PRPF38A: variants seen among roughly 807,000 people sequenced by gnomAD.
PRPF38A encodes the protein pre-mRNA-splicing factor 38A.
In PRPF38A, 11 loss-of-function variants were observed where a neutral mutation model predicts 46.8. That is an observed-to-expected ratio of 0.24 (90% CI 0.15 to 0.39). The LOEUF (loss-of-function observed/expected upper bound fraction) is 0.39. PRPF38A is among the 10% of genes least tolerant of loss of function. PRPF38A has a pLI of 1.00. For missense variants in PRPF38A, 261 were observed against 407.5 expected (o/e 0.64, Z 3.10); for synonymous variants, 124 against 136.2 (o/e 0.91, Z 0.62).
chr1:52,408,697 AT>A lies in PRPF38A; in HGVS notation c.412+8del. 1 of 1,613,918 alleles carries A rather than the reference AT, an allele frequency of 6.2e-7. No individual in the cohort carries two copies. Among genetic ancestry groups the A allele is most frequent in the Non-Finnish European group, 8.5e-7 (1 of 1,179,826 alleles). On this transcript the variant is annotated splice_region_variant and intron_variant, in intron 3 of 9. Coordinates refer to ENST00000257181, the MANE Select transcript of PRPF38A (RefSeq NM_032864.4). ...AGCCAGAACCGAAATGGGGGTAAGTATGGTGCTAAGTCTCCTGATTGTCATT... is the reference window on the plus strand; with the variant it reads ...AGCCAGAACCGAAATGGGGGTAAGTAGGTGCTAAGTCTCCTGATTGTCATT...
rs927192358 is a variant in PRPF38A, at chr1:52,418,990, C to G, written c.*2300C>G. The G allele has an allele frequency of 9.2e-5, 14 of 152,224 alleles. No individual in the cohort carries two copies. Among genetic ancestry groups the G allele is most frequent in the Non-Finnish European group, 1.3e-4 (9 of 68,036 alleles). The allele number at this position is 152,224 out of a possible 1,614,324, so 9.4% of individuals were successfully genotyped here. The stretch of plus-strand genomic sequence containing the variant: ...AATTTGAAATACACTGACTTAAAAG[C>G]TTTGCCATAGGGCACAATCGCCTTT... On this transcript the variant is annotated 3_prime_UTR_variant, in exon 10 of 10. Transcript: ENST00000257181.
At chr1:52,411,944 T>G (rs952854552) in intron 4 of PRPF38A, among the ~76,000 whole-genome samples, 6 of 152,164 alleles carry the variant, frequency 3.9e-5, no homozygotes, top group Non-Finnish European at 8.8e-5. Context: ...TACCTCAGTC[T>G]CCCAAGGAGC....
rs1334246734 is a variant in PRPF38A, at chr1:52,414,873, G to A, written c.847+14G>A. 6.2e-7 allele frequency: 1 copy of A among 1,613,030 alleles called. No homozygotes were observed. On this transcript the variant is annotated intron_variant, in intron 8 of 9. Coordinates refer to ENST00000257181, the MANE Select transcript of PRPF38A (RefSeq NM_032864.4). ...CCAAGTCCCCAGGTAAAGCTTGTGGGCCTTTTGCCACAGGTTGTCTTAACA... is the reference window on the plus strand; with the variant it reads ...CCAAGTCCCCAGGTAAAGCTTGTGGACCTTTTGCCACAGGTTGTCTTAACA...
rs1647921928 is a variant in PRPF38A at position 52,404,746 on chromosome 1, T to C, written c.-4T>C. 1.2e-6 allele frequency: 2 copies of C among 1,612,334 alleles called. No homozygotes were observed. The highest frequency in any genetic ancestry group is 8.5e-7 in the Non-Finnish European group (1 of 1,179,428). ...GACGGAAATAGAATTGAAGGCATTC[T>C]AAAATGGCTAACCGTACAGTGAAGG... On this transcript the variant is annotated 5_prime_UTR_variant, in exon 1 of 10. Transcript: ENST00000257181.
intron 5 of PRPF38A, 77 bp downstream of exon 5, chr1:52,412,701 T>C: frequency 1.0e-6 from 1 of 996,818 alleles, no homozygotes; most frequent in African/African-American, 1.6e-5. Context: ...TTTTAGACTT[T>C]AATTTTTAAC....
chr1:52,414,992 T>TG, intron 8 of PRPF38A, 133 bp downstream of exon 8: 1 of 793,228 alleles, frequency 1.3e-6, no homozygotes, highest in Non-Finnish European at 2.0e-6. Context: ...AATTTGAAAA[T>TG]TAAGGTTCAC....
In PRPF38A at chr1:52,404,811, T is replaced by C; in HGVS notation, c.62T>C (p.Val21Ala). 6.2e-7 allele frequency: 1 copy of C among 1,614,180 alleles called. No homozygotes were observed. The highest frequency in any genetic ancestry group is 8.5e-7 in the Non-Finnish European group (1 of 1,180,028). The change falls in exon 1 of 10, where the codon GTG becomes GCG. Residue 21 changes from valine (V) to alanine (A), a missense_variant. Around this residue, in one of 2 missense-constraint regions of PRPF38A, gnomAD observed 81 missense variants for 186.5 expected, o/e 0.43. Coordinates refer to ENST00000257181, the MANE Select transcript of PRPF38A (RefSeq NM_032864.4). ...CATGGCACCAACCCTCAATATCTGG[T>C]GGAGAAGATCATTCGAACGCGAATC... is the stretch of plus-strand genomic sequence containing the variant. ...SIHGTNPQYLVEKIIRTRIYE... is the reference protein window; with the variant it reads ...SIHGTNPQYLAEKIIRTRIYE...
chr1:52,415,225 C>A, intron 8 of PRPF38A, 113 bp from the exon 9 acceptor site: 1 of 1,060,638 alleles, frequency 9.4e-7, no homozygotes. Context: ...AGAGGTGTCC[C>A]CTGCATAGGC....
At chr1:52,411,317 G>T (rs1648143879) in intron 4 of PRPF38A, 117 bp downstream of exon 4, 1 of 678,392 alleles carries the variant, frequency 1.5e-6, no homozygotes, top group Non-Finnish European at 2.5e-6. Context: ...TCCTCTTAAT[G>T]AATAGTCTTC....
At chr1:52,416,574 G>A (rs180970883) in intron 9 of PRPF38A, 74 bp from the exon 10 acceptor site, 2 of 1,169,810 alleles carry the variant, frequency 1.7e-6, no homozygotes, top group Admixed American at 1.8e-5. Context: ...ATCCCAAAGT[G>A]CTGGGATTAC....
intron 9 of PRPF38A, among the ~76,000 whole-genome samples, chr1:52,416,343 CTG>C (rs1384324317): frequency 6.6e-6 from 1 of 151,072 alleles, no homozygotes; most frequent in African/African-American, 2.4e-5. Flanking sequence ...GAGTCTCACT[CTG>C]TCATTGAGGC....
chr1:52,415,943 C>T (rs2147959920), intron 9 of PRPF38A, among the ~76,000 whole-genome samples: 2 of 149,308 alleles, frequency 1.3e-5, no homozygotes, highest in East Asian at 2.0e-4. Context: ...CCTGGGCTCA[C>T]GCCATTCTCC....
In PRPF38A at chr1:52,416,860, T is replaced by A; in HGVS notation, c.*170T>A. 1.6e-6 allele frequency: 1 copy of A among 623,088 alleles called. No individual in the cohort carries two copies. Among genetic ancestry groups the A allele is most frequent in the Non-Finnish European group, 2.9e-6 (1 of 343,990 alleles). 38.6% of individuals were successfully genotyped at this position (623,088 alleles called of 1,614,324 possible). A position where few individuals can be genotyped will look rare whatever the true frequency, so the allele number is the denominator to read the frequency against. On this transcript the variant is annotated 3_prime_UTR_variant, in exon 10 of 10. Transcript: ENST00000257181. Reference sequence around the variant, plus strand: ...GGAGGTGCTGAGTTTTGTATCTTTTTAATCATAATCAACATCAGTTTTTGA... The same window carrying A: ...GGAGGTGCTGAGTTTTGTATCTTTTAAATCATAATCAACATCAGTTTTTGA...
In PRPF38A at chr1:52,410,504, T is replaced by C. The variant is rs1003799385; in HGVS notation, c.413-611T>C. Among the ~76,000 whole-genome samples, 6 of 143,090 alleles carry C rather than the reference T, an allele frequency of 4.2e-5. No homozygotes were observed. The East Asian group carries it at 5.8e-4, about 14-fold the overall frequency. 93.9% of individuals were successfully genotyped at this position (143,090 alleles called of 152,430 possible). On this transcript the variant is annotated intron_variant, in intron 3 of 9. Coordinates refer to ENST00000257181, the MANE Select transcript of PRPF38A (RefSeq NM_032864.4). ...ACACACACACATATATATAGACATA[T>C]AATTTTTTTTTTTTTGAGATGGAGT...
At position 52,418,919 on chromosome 1, in the gene PRPF38A, A is replaced by G. The variant is rs1214749891; in HGVS notation, c.*2229A>G. 1.3e-5 allele frequency: 2 copies of G among 152,246 alleles called. No homozygotes were observed. The highest frequency in any genetic ancestry group is 6.5e-5 in the Admixed American group (1 of 15,282). The allele number at this position is 152,246 out of a possible 1,614,324, so 9.4% of individuals were successfully genotyped here. A position where few individuals can be genotyped will look rare whatever the true frequency, so the allele number is the denominator to read the frequency against. On this transcript the variant is annotated 3_prime_UTR_variant, in exon 10 of 10. Coordinates refer to ENST00000257181, the MANE Select transcript of PRPF38A (RefSeq NM_032864.4). Reference sequence around the variant, plus strand: ...ATTCTGGTGTTTCCTACTTGTTAACAGTTTTTAATATTGGATGAAACCACT... The same window carrying G: ...ATTCTGGTGTTTCCTACTTGTTAACGGTTTTTAATATTGGATGAAACCACT...
intron 6 of PRPF38A, 131 bp downstream of exon 6, chr1:52,414,122 A>G (rs1040521526): frequency 1.6e-5 from 10 of 634,570 alleles, no homozygotes; most frequent in Non-Finnish European, 2.5e-5. Flanking sequence ...TGTTGCTGCA[A>G]AACAACCACC....
At chr1:52,416,529 G>A (rs1401200157) in intron 9 of PRPF38A, 119 bp from the exon 10 acceptor site, 30 of 682,588 alleles carry the variant, frequency 4.4e-5, no homozygotes, top group South Asian at 2.2e-4. Context: ...GGCTGGTCTC[G>A]AATTCCTGAC....
At chr1:52,409,770 T>G (rs1046856154) in intron 3 of PRPF38A, among the ~76,000 whole-genome samples, 1 of 152,220 alleles carries the variant, frequency 6.6e-6, no homozygotes, top group Admixed American at 6.5e-5. Flanking sequence ...TATTTATTTA[T>G]TATTTTATTA....
chr1:52,414,807 T>A lies in PRPF38A; in HGVS notation c.795T>A (p.Arg265=). The A allele has an allele frequency of 6.2e-7, 1 of 1,614,122 alleles. No homozygotes were observed. Among genetic ancestry groups the A allele is most frequent in the Non-Finnish European group, 8.5e-7 (1 of 1,180,026 alleles). Residue 265 remains arginine (R), a synonymous_variant, in exon 8 of 10, where the codon CGT becomes CGA. Transcript: ENST00000257181. ...RERHRSKSPR[R]HRSRSRDRRH... ...GGCATCGGAGCAAGAGTCCAAGACG[T>A]CACCGCAGCAGGTCCCGAGATCGGC...
Sources: allele counts gnomAD v4.1 joint callset (sites outside exome capture counted in the v4.1 genomes callset), GRCh38; gene constraint gnomAD v4.1.1; regional missense constraint gnomAD v4.1.1; transcripts MANE v1.5; gene names NCBI Gene and HGNC (gene_info 2026-07-23, HGNC 2026-07-21).